PLEKHM3: variants seen among roughly 807,000 people sequenced by gnomAD.
PLEKHM3 encodes pleckstrin homology domain-containing family M member 3.
A neutral mutation model predicts 81.8 loss-of-function variants in PLEKHM3; 45 were observed. The observed-to-expected ratio is 0.55, with a 90% CI of 0.43 to 0.71. The LOEUF (loss-of-function observed/expected upper bound fraction) is 0.71. Among genes scored for constraint, PLEKHM3 ranks in the 30% least tolerant of loss-of-function variants. PLEKHM3 has a pLI of 0.00. For missense variants in PLEKHM3, 788 were observed against 924.3 expected (o/e 0.85, Z 1.91); for synonymous variants, 352 against 356.4 (o/e 0.99, Z 0.14).
chr2:207,989,954 C>T (rs1430843149), intron 2 of PLEKHM3, among the ~76,000 whole-genome samples: 6 of 152,176 alleles, frequency 3.9e-5, no homozygotes, highest in Non-Finnish European at 8.8e-5. Flanking sequence ...GGGGAGCGGA[C>T]CAGAATTAGT....
At chr2:207,893,170 C>T (rs1688112860) in intron 6 of PLEKHM3, among the ~76,000 whole-genome samples, 2 of 152,230 alleles carry the variant, frequency 1.3e-5, no homozygotes, top group South Asian at 4.1e-4. Flanking sequence ...CTCAGATTTA[C>T]TTAATATCCC....
intron 6 of PLEKHM3, among the ~76,000 whole-genome samples, chr2:207,871,461 T>G (rs2092533863): frequency 6.6e-6 from 1 of 152,178 alleles, no homozygotes; most frequent in Admixed American, 6.5e-5. Context: ...TGCAATTGGG[T>G]AGATTTATGA....
At chr2:207,850,106 C>T (rs2092404803) in intron 7 of PLEKHM3, among the ~76,000 whole-genome samples, 1 of 152,150 alleles carries the variant, frequency 6.6e-6, no homozygotes, top group Non-Finnish European at 1.5e-5. Flanking sequence ...CTAGCAACCC[C>T]CTATCACCAA....
chr2:207,890,675 A>G (rs1167498951), intron 6 of PLEKHM3, among the ~76,000 whole-genome samples: 3 of 152,204 alleles, frequency 2.0e-5, no homozygotes, highest in South Asian at 4.1e-4. Context: ...AGACCTGACA[A>G]TAGAAAAGGC....
chr2:207,875,205 T>G (rs2092554509), intron 6 of PLEKHM3, among the ~76,000 whole-genome samples: 1 of 151,998 alleles, frequency 6.6e-6, no homozygotes, highest in Admixed American at 6.5e-5. Context: ...CTCTCTTAAA[T>G]TAATAAGGAA....
chr2:208,014,040 C>T (rs941472348), intron 1 of PLEKHM3, among the ~76,000 whole-genome samples: 1 of 152,148 alleles, frequency 6.6e-6, no homozygotes, highest in Admixed American at 6.5e-5. Flanking sequence ...AAAGGTGACT[C>T]ACCTCTTGTT....
At chr2:207,933,675 T>A (rs1453916727) in intron 4 of PLEKHM3, among the ~76,000 whole-genome samples, 1 of 152,172 alleles carries the variant, frequency 6.6e-6, no homozygotes, top group Non-Finnish European at 1.5e-5. Flanking sequence ...GAAAAAAATC[T>A]TTTACAGAGA....
At chr2:207,955,963 C>G (rs1167087930) in intron 3 of PLEKHM3, among the ~76,000 whole-genome samples, 1 of 151,890 alleles carries the variant, frequency 6.6e-6, no homozygotes, top group South Asian at 2.1e-4. Flanking sequence ...TTGTGGAGAT[C>G]GAGGAAGGCT....
intron 1 of PLEKHM3, among the ~76,000 whole-genome samples, chr2:208,011,969 T>C (rs1692713344): frequency 1.3e-5 from 2 of 151,830 alleles, no homozygotes; most frequent in African/African-American, 4.8e-5. Flanking sequence ...GCTAATCTTT[T>C]GTATTTTTAG....
chr2:207,878,100 G>A (rs762815047), intron 6 of PLEKHM3, among the ~76,000 whole-genome samples: 10 of 152,150 alleles, frequency 6.6e-5, no homozygotes, highest in Non-Finnish European at 1.3e-4. Context: ...CACCATGCTC[G>A]ACTAATTTTA....
chr2:207,875,814 A>C lies in PLEKHM3; in HGVS notation c.1951-14552T>G, dbSNP rs150802979. 7.4e-3 allele frequency among the ~76,000 whole-genome samples: 1,124 copies of C among 152,168 alleles called. 15 individuals carry two copies. The highest frequency in any genetic ancestry group is 0.025 in the African/African-American group (1,023 of 41,534). Reference sequence around the variant, plus strand: ...CAGTGAGGCCCTGTCTCTTAAAAAAAGCAAACAACAACAACAACAACAACA... The same window carrying C: ...CAGTGAGGCCCTGTCTCTTAAAAAACGCAAACAACAACAACAACAACAACA... On this transcript the variant is annotated intron_variant, in intron 6 of 7. Coordinates refer to ENST00000427836, the MANE Select transcript of PLEKHM3 (RefSeq NM_001080475.3).
At chr2:207,838,014 C>T (rs1311569294) in intron 7 of PLEKHM3, among the ~76,000 whole-genome samples, 10 of 138,520 alleles carry the variant, frequency 7.2e-5, no homozygotes, top group African/African-American at 2.2e-4. Flanking sequence ...TCAGGTGATC[C>T]GCCCGCCTCG....
chr2:208,007,935 C>T (rs1692550235), intron 1 of PLEKHM3, among the ~76,000 whole-genome samples: 1 of 152,256 alleles, frequency 6.6e-6, no homozygotes, highest in African/African-American at 2.4e-5. Flanking sequence ...TACCTGTAGT[C>T]CCAGCTACTC....
chr2:207,925,510 C>T (rs1057243669), intron 5 of PLEKHM3, among the ~76,000 whole-genome samples: 3 of 152,104 alleles, frequency 2.0e-5, no homozygotes, highest in Non-Finnish European at 4.4e-5. Flanking sequence ...CCTGAATCCT[C>T]GCACTTTCCT....
chr2:207,927,702 T>G (rs1401229576), intron 5 of PLEKHM3, among the ~76,000 whole-genome samples: 17 of 143,040 alleles, frequency 1.2e-4, no homozygotes, highest in Middle Eastern at 4.2e-3. Flanking sequence ...TGGTGGCACA[T>G]GCCTGTAATC....
intron 6 of PLEKHM3, among the ~76,000 whole-genome samples, chr2:207,895,692 C>T (rs180818548): frequency 1.4e-3 from 211 of 152,312 alleles, no homozygotes; most frequent in Non-Finnish European, 1.6e-3. Context: ...CACCAGATAA[C>T]CTGACTGGTG....
At chr2:207,895,899 C>G (rs938907839) in intron 6 of PLEKHM3, among the ~76,000 whole-genome samples, 6 of 152,184 alleles carry the variant, frequency 3.9e-5, no homozygotes, top group Non-Finnish European at 7.3e-5. Context: ...TCATATTTGT[C>G]AAAATGCTTA....
intron 4 of PLEKHM3, among the ~76,000 whole-genome samples, chr2:207,939,185 C>G (rs1053472913): frequency 1.3e-5 from 2 of 152,212 alleles, no homozygotes; most frequent in Non-Finnish European, 2.9e-5. Context: ...AACTATCATT[C>G]TTTCCCTCTA....
chr2:207,955,893 A>G (rs1292659504), intron 3 of PLEKHM3, among the ~76,000 whole-genome samples: 1 of 152,244 alleles, frequency 6.6e-6, no homozygotes, highest in Non-Finnish European at 1.5e-5. Flanking sequence ...GAAGAAGAAT[A>G]CAAATCTATA....
Sources: allele counts gnomAD v4.1 joint callset (sites outside exome capture counted in the v4.1 genomes callset), GRCh38; gene constraint gnomAD v4.1.1; transcripts MANE v1.5; gene names NCBI Gene and HGNC (gene_info 2026-07-23, HGNC 2026-07-21).